Variants in NTRK2 observed in about 807,000 individuals in gnomAD.
NTRK2 encodes the protein BDNF/NT-3 growth factors receptor.
A neutral mutation model predicts 94.5 loss-of-function variants in NTRK2; 13 were observed. The ratio of observed to expected loss-of-function variants is 0.14; its 90% confidence interval spans 0.09 to 0.22. NTRK2 has a LOEUF of 0.22. NTRK2 is among the 10% of genes least tolerant of loss of function. The pLI, the probability that NTRK2 is intolerant of heterozygous loss-of-function variation, is 1.00. For synonymous variants in NTRK2, 372 were observed against 407.4 expected (o/e 0.91, Z 1.05); for missense variants, 639 against 1,071.2 (o/e 0.60, Z 5.63).
intron 12 of NTRK2, among the ~76,000 whole-genome samples, chr9:84,844,655 A>T (rs1485449580): frequency 1.3e-5 from 1 of 74,460 alleles, no homozygotes; most frequent in Non-Finnish European, 2.9e-5. Context: ...TCACTCACAC[A>T]CACACACACA....
At chr9:84,857,891 AC>A (rs1335620208) in intron 12 of NTRK2, among the ~76,000 whole-genome samples, 1 of 152,110 alleles carries the variant, frequency 6.6e-6, no homozygotes, top group Non-Finnish European at 1.5e-5. Flanking sequence ...CATCCTGCCA[AC>A]TGAGGGTGTT....
chr9:84,972,075 T>C (rs1027329605), intron 17 of NTRK2, among the ~76,000 whole-genome samples: 9 of 152,100 alleles, frequency 5.9e-5, no homozygotes, highest in African/African-American at 1.4e-4. Flanking sequence ...AAAACATTCA[T>C]AGGGGGGTAT....
intron 17 of NTRK2, among the ~76,000 whole-genome samples, chr9:85,003,628 G>A (rs4394479): frequency 0.15 from 22,387 of 152,008 alleles, 1,765 homozygotes; most frequent in Admixed American, 0.22. Context: ...AGTGGAAGAT[G>A]CTGATGAATT....
chr9:84,840,829 T>C (rs1169857002), intron 12 of NTRK2, among the ~76,000 whole-genome samples: 1 of 152,092 alleles, frequency 6.6e-6, no homozygotes, highest in African/African-American at 2.4e-5. Flanking sequence ...TGCACCAGAG[T>C]GTCCCCTTCA....
Position 84,873,155 on chromosome 9 carries a change from T to C in NTRK2, c.1633+5724T>C, listed in dbSNP as rs199741579. Reference sequence around the variant, plus strand: ...CCATTTTGATGGTCAGAGGTAGGACTGAAAAACGGGTAGAAACAATTGCTT... The same window carrying C: ...CCATTTTGATGGTCAGAGGTAGGACCGAAAAACGGGTAGAAACAATTGCTT... On this transcript the variant is annotated intron_variant, in intron 14 of 18. Coordinates refer to ENST00000277120, the MANE Select transcript of NTRK2 (RefSeq NM_006180.6). 2.2e-5 allele frequency: 23 copies of C among 1,063,676 alleles called. No homozygotes were observed. In the African/African-American group the frequency reaches 3.8e-4, roughly 17 times the overall value. 65.9% of individuals were successfully genotyped at this position (1,063,676 alleles called of 1,614,324 possible).
intron 6 of NTRK2, among the ~76,000 whole-genome samples, chr9:84,715,176 C>A (rs931296038): frequency 3.3e-5 from 5 of 152,124 alleles, no homozygotes; most frequent in Non-Finnish European, 7.4e-5. Context: ...TGAACCATAT[C>A]ATATTAATGT....
At chr9:84,707,785 A>T in intron 4 of NTRK2, 59 bp from the exon 5 acceptor site, 1 of 1,262,258 alleles carries the variant, frequency 7.9e-7, no homozygotes, top group East Asian at 2.3e-5. Flanking sequence ...CTATTTGAAT[A>T]CTGTGTTCCT....
At chr9:85,011,050 C>T (rs1831513525) in intron 17 of NTRK2, among the ~76,000 whole-genome samples, 1 of 152,044 alleles carries the variant, frequency 6.6e-6, no homozygotes, top group Non-Finnish European at 1.5e-5. Context: ...TCCCAGGGAA[C>T]CTGCAAAGGG....
At chr9:84,887,365 T>C (rs1369401189) in intron 14 of NTRK2, among the ~76,000 whole-genome samples, 2 of 152,192 alleles carry the variant, frequency 1.3e-5, no homozygotes, top group African/African-American at 4.8e-5. Flanking sequence ...TTATCTTCCA[T>C]CAGCTTTTGT....
At chr9:85,001,342 G>A (rs1948308) in intron 17 of NTRK2, among the ~76,000 whole-genome samples, 76,264 of 151,984 alleles carry the variant, frequency 0.5, 19,489 homozygotes, top group Middle Eastern at 0.57. Flanking sequence ...TTTCCACAGT[G>A]CCCACTTATT....
chr9:84,820,552 G>A (rs570196829), intron 12 of NTRK2, among the ~76,000 whole-genome samples: 19 of 152,036 alleles, frequency 1.2e-4, no homozygotes, highest in Non-Finnish European at 5.9e-5. Context: ...TGTATTTTAC[G>A]CATTCATGAC....
At chr9:84,762,856 T>C (rs751359960) in intron 12 of NTRK2, among the ~76,000 whole-genome samples, 11 of 152,178 alleles carry the variant, frequency 7.2e-5, no homozygotes, top group Non-Finnish European at 8.8e-5. Context: ...CTTACTCAGG[T>C]TGCATTTGCC....
At chr9:84,859,333 A>G (rs756212380) in intron 12 of NTRK2, among the ~76,000 whole-genome samples, 6 of 152,144 alleles carry the variant, frequency 3.9e-5, no homozygotes, top group Non-Finnish European at 7.3e-5. Flanking sequence ...TCAAAAACAC[A>G]CTTCTACCCT....
At chr9:84,908,032 T>C (rs529215149) in intron 14 of NTRK2, among the ~76,000 whole-genome samples, 1 of 152,310 alleles carries the variant, frequency 6.6e-6, no homozygotes, top group Admixed American at 6.5e-5. Context: ...GCAAGTGTCT[T>C]TTTAAGATGT....
intron 12 of NTRK2, among the ~76,000 whole-genome samples, chr9:84,753,645 C>T (rs1234838441): frequency 6.6e-6 from 1 of 152,178 alleles, no homozygotes; most frequent in Non-Finnish European, 1.5e-5. Context: ...CACCCAGGCC[C>T]AGGCTAGGCG....
intron 14 of NTRK2, among the ~76,000 whole-genome samples, chr9:84,880,406 G>A (rs553352987): frequency 6.6e-6 from 1 of 152,318 alleles, no homozygotes; most frequent in East Asian, 1.9e-4. Flanking sequence ...TGGGGAACCA[G>A]CCTTGATGCG....
intron 14 of NTRK2, chr9:84,874,412 G>A (rs1211775736): frequency 2.8e-6 from 3 of 1,065,288 alleles, no homozygotes; most frequent in Non-Finnish European, 3.4e-6. Context: ...TACTAATTCT[G>A]CCAGCCTGTG....
chr9:84,880,011 C>T (rs1441711177), intron 14 of NTRK2, among the ~76,000 whole-genome samples: 1 of 152,086 alleles, frequency 6.6e-6, no homozygotes, highest in African/African-American at 2.4e-5. Flanking sequence ...GAATATAAAG[C>T]CGTTATTTTT....
intron 14 of NTRK2, among the ~76,000 whole-genome samples, chr9:84,880,601 C>G (rs1587807830): frequency 6.6e-6 from 1 of 152,312 alleles, no homozygotes; most frequent in East Asian, 1.9e-4. Context: ...TCATACGTGG[C>G]ATTCTTCCAA....
Sources: gnomAD v4.1 joint callset for allele counts (sites outside exome capture counted in the v4.1 genomes callset) on GRCh38, gnomAD v4.1.1 for gene constraint, MANE v1.5 for transcripts, NCBI Gene and HGNC (gene_info 2026-07-23, HGNC 2026-07-21) for gene names.